Variants in SV2B observed in about 807,000 individuals in gnomAD.
The protein encoded by SV2B is solute carrier family 22 member B2.
Under a neutral mutation model 73.9 loss-of-function variants are expected in SV2B, and 41 were observed. The observed-to-expected ratio is 0.56, with a 90% CI of 0.43 to 0.72. SV2B has a LOEUF of 0.72. SV2B is among the 30% of genes least tolerant of loss of function. The probability of loss-of-function intolerance (pLI) is 0.00; values close to 1 mark genes in which losing one functional copy is unlikely to be tolerated. For synonymous variants in SV2B, 314 were observed against 314.2 expected (o/e 1.00, Z 0.01); for missense variants, 764 against 857.8 (o/e 0.89, Z 1.37).
At chr15:91,272,352 C>T (rs2048343480) in intron 9 of SV2B, among the ~76,000 whole-genome samples, 1 of 152,202 alleles carries the variant, frequency 6.6e-6, no homozygotes, top group South Asian at 2.1e-4. Flanking sequence ...CTTACCTTCT[C>T]TTCCTGGGAA....
At position 91,232,810 on chromosome 15, in the gene SV2B, A is replaced by T. The variant is rs1394071087; in HGVS notation, c.451+6096A>T. ...TATGATGCTGAGGTTTGGGATACAAATGATCCCATCACCCAGATAGTGAGC... is the reference window on the plus strand; with the variant it reads ...TATGATGCTGAGGTTTGGGATACAATTGATCCCATCACCCAGATAGTGAGC... On this transcript the variant is annotated intron_variant, in intron 2 of 12. Transcript: ENST00000394232. The surrounding 1 kb of genome is among the most constrained non-coding windows in gnomAD (Gnocchi z 4.7). Among the ~76,000 whole-genome samples the T allele has an allele frequency of 6.6e-6, 1 of 152,204 alleles. No homozygotes were observed. Among genetic ancestry groups the T allele is most frequent in the African/African-American group, 2.4e-5 (1 of 41,460 alleles).
At position 91,266,652 on chromosome 15, in the gene SV2B, A is replaced by G. The variant is rs1020966598; in HGVS notation, c.1079A>G (p.Tyr360Cys). 3 of 1,614,156 alleles carry G rather than the reference A, an allele frequency of 1.9e-6. No homozygotes were observed. Among genetic ancestry groups the G allele is most frequent in the Non-Finnish European group, 1.7e-6 (2 of 1,180,006 alleles). The change falls in exon 7 of 13, where the codon TAC becomes TGC. Residue 360 changes from tyrosine to cysteine, a missense_variant. Transcript: ENST00000394232. ...ATCCAAAGTTCAACAGGAACCTGGT[A>G]CCAGCGCTGGCTGGTCAGATTCAAG... The part of the protein sequence containing the change: ...IEIQSSTGTW[Y>C]QRWLVRFKTI...
intron 1 of SV2B, among the ~76,000 whole-genome samples, chr15:91,120,301 T>G (rs1041054784): frequency 6.6e-6 from 1 of 150,808 alleles, no homozygotes; most frequent in Admixed American, 6.6e-5. Flanking sequence ...AGAGAGAGAG[T>G]GAGGGAGGAA....
At chr15:91,262,759 A>T (rs894667619) in intron 6 of SV2B, among the ~76,000 whole-genome samples, 1 of 152,192 alleles carries the variant, frequency 6.6e-6, no homozygotes, top group African/African-American at 2.4e-5. Flanking sequence ...TCCAAATGAA[A>T]GATGTTAAGG....
In SV2B at chr15:91,296,798, C is replaced by T. The variant is rs562987616; in HGVS notation, c.*4246C>T. ...ACACTCCTTCTGCCCAATCATTGGG[C>T]TCACGCTCCTTCTGCCCGATCGCTG... is the stretch of plus-strand genomic sequence containing the variant. On this transcript the variant is annotated 3_prime_UTR_variant, in exon 13 of 13. Coordinates refer to ENST00000394232, the MANE Select transcript of SV2B (RefSeq NM_001323032.3). 86 of 142,178 alleles carry T rather than the reference C, an allele frequency of 6.0e-4. No individual in the cohort carries two copies. Among genetic ancestry groups the T allele is most frequent in the Non-Finnish European group, 1.1e-3 (71 of 66,804 alleles). 8.8% of individuals were successfully genotyped at this position (142,178 alleles called of 1,614,324 possible).
In SV2B at chr15:91,132,701, T is replaced by G. The variant is rs2042692197; in HGVS notation, c.-392+32338T>G. Reference sequence around the variant, plus strand: ...GCCTCCAGACCCTATTTCTCCTGCCTCAGTGGCACATGCCTGTAGTCCCAG... The same window carrying G: ...GCCTCCAGACCCTATTTCTCCTGCCGCAGTGGCACATGCCTGTAGTCCCAG... On this transcript the variant is annotated intron_variant, in intron 1 of 12. Transcript: ENST00000394232. This position sits in a 1 kb window ranked among gnomAD's most constrained non-coding sequence, Gnocchi z 4.6. Among the ~76,000 whole-genome samples the G allele has an allele frequency of 6.6e-6, 1 of 152,028 alleles. No individual in the cohort carries two copies. The highest frequency in any genetic ancestry group is 1.5e-5 in the Non-Finnish European group (1 of 67,994).
Position 91,231,116 on chromosome 15 carries a change from T to TA in SV2B, c.451+4412dup, listed in dbSNP as rs904394524. 1.1e-3 allele frequency among the ~76,000 whole-genome samples: 164 copies of TA among 150,082 alleles called. 1 individual carries two copies. The highest frequency in any genetic ancestry group is 3.3e-3 in the African/African-American group (137 of 40,990). The stretch of plus-strand genomic sequence containing the variant: ...GATAATTATGCATTTTCTGGGTATG[T>TA]AAAAAAAAAATCACCCGAAGAAATG... On this transcript the variant is annotated intron_variant, in intron 2 of 12. Coordinates refer to ENST00000394232, the MANE Select transcript of SV2B (RefSeq NM_001323032.3). The surrounding 1 kb of genome is among the most constrained non-coding windows in gnomAD (Gnocchi z 4.5).
rs963935586 is a variant in SV2B, at chr15:91,227,229, A to G, written c.451+515A>G. 6.6e-5 allele frequency among the ~76,000 whole-genome samples: 10 copies of G among 152,174 alleles called. No individual in the cohort carries two copies. Among genetic ancestry groups the G allele is most frequent in the African/African-American group, 2.2e-4 (9 of 41,430 alleles). On this transcript the variant is annotated intron_variant, in intron 2 of 12. Coordinates refer to ENST00000394232, the MANE Select transcript of SV2B (RefSeq NM_001323032.3). This position sits in a 1 kb window ranked among gnomAD's most constrained non-coding sequence, Gnocchi z 4.5. ...GAATGCCCACATACCCTGGGGATGAATGGTGGGCTTAAGCACACCCGTGGA... is the reference window on the plus strand; with the variant it reads ...GAATGCCCACATACCCTGGGGATGAGTGGTGGGCTTAAGCACACCCGTGGA...
intron 1 of SV2B, among the ~76,000 whole-genome samples, chr15:91,160,245 A>G (rs2043663451): frequency 6.6e-6 from 1 of 152,216 alleles, no homozygotes; most frequent in Non-Finnish European, 1.5e-5. Context: ...TCAGATAATA[A>G]ATGTGTGGAA....
chr15:91,248,104 G>A (rs1007056278), intron 2 of SV2B, among the ~76,000 whole-genome samples: 1 of 152,110 alleles, frequency 6.6e-6, no homozygotes, highest in Non-Finnish European at 1.5e-5. Flanking sequence ...GGCGGATCAC[G>A]AGGTCAGGAG....
chr15:91,172,887 C>T (rs998179013), intron 1 of SV2B, among the ~76,000 whole-genome samples: 3 of 151,832 alleles, frequency 2.0e-5, no homozygotes, highest in East Asian at 1.9e-4. Context: ...TGTTCTTGCC[C>T]GCCAAGTACA....
chr15:91,225,364 A>G (rs1365232710), intron 1 of SV2B, among the ~76,000 whole-genome samples: 1 of 152,212 alleles, frequency 6.6e-6, no homozygotes. Flanking sequence ...CTTCACGACA[A>G]AGTTAGAAAA....
chr15:91,267,423 G>C lies in SV2B; in HGVS notation c.1120-132G>C. ...TTGGACAGTTTTGCTGCCTCTAGGA[G>C]ACAGTGGGGTACCGGTTCTCTCCAT... is the stretch of plus-strand genomic sequence containing the variant. On this transcript the variant is annotated intron_variant, in intron 7 of 12. Coordinates refer to ENST00000394232, the MANE Select transcript of SV2B (RefSeq NM_001323032.3). The surrounding 1 kb of genome is among the most constrained non-coding windows in gnomAD (Gnocchi z 4.3). 1.4e-6 allele frequency: 1 copy of C among 725,194 alleles called. No homozygotes were observed. The highest frequency in any genetic ancestry group is 2.4e-6 in the Non-Finnish European group (1 of 418,464). 44.9% of individuals were successfully genotyped at this position (725,194 alleles called of 1,614,324 possible).
intron 1 of SV2B, among the ~76,000 whole-genome samples, chr15:91,200,545 G>C (rs1164631066): frequency 6.6e-6 from 1 of 152,084 alleles, no homozygotes; most frequent in Non-Finnish European, 1.5e-5. Flanking sequence ...AGCAGACCTG[G>C]CCCAACTCAG....
chr15:91,134,430 C>T (rs951721460), intron 1 of SV2B, among the ~76,000 whole-genome samples: 10 of 152,268 alleles, frequency 6.6e-5, no homozygotes, highest in Non-Finnish European at 2.9e-5. Context: ...TGTGGAAATA[C>T]CTTGAGGGAT....
intron 11 of SV2B, among the ~76,000 whole-genome samples, chr15:91,285,396 G>A (rs896453014): frequency 3.9e-5 from 6 of 152,196 alleles, no homozygotes; most frequent in Non-Finnish European, 7.3e-5. Context: ...TCCATAACCC[G>A]TGTCCAGCGC....
chr15:91,112,958 A>G (rs1294533074), intron 1 of SV2B, among the ~76,000 whole-genome samples: 1 of 152,144 alleles, frequency 6.6e-6, no homozygotes, highest in African/African-American at 2.4e-5. Flanking sequence ...CTGGGATGAA[A>G]AGGCAAACAC....
At chr15:91,181,907 C>G (rs903072221) in intron 1 of SV2B, among the ~76,000 whole-genome samples, 1 of 151,670 alleles carries the variant, frequency 6.6e-6, no homozygotes, top group Non-Finnish European at 1.5e-5. Context: ...CAGTATATAT[C>G]TAGATTAGAT....
intron 9 of SV2B, among the ~76,000 whole-genome samples, chr15:91,278,547 CG>C (rs1323505125): frequency 6.7e-6 from 1 of 149,016 alleles, no homozygotes; most frequent in East Asian, 1.9e-4. Flanking sequence ...GGCGCGGTGG[CG>C]GGTGCCTGTA....
Sources: gnomAD v4.1 joint callset for allele counts (sites outside exome capture counted in the v4.1 genomes callset) on GRCh38, gnomAD v4.1.1 for gene constraint, Gnocchi (gnomAD v3.1) non-coding constraint, MANE v1.5 for transcripts, NCBI Gene and HGNC (gene_info 2026-07-23, HGNC 2026-07-21) for gene names.